Variants in PAN3 observed in about 807,000 individuals in gnomAD.
PAN3 encodes poly(A) specific ribonuclease subunit PAN3.
Under a neutral mutation model 96.2 loss-of-function variants are expected in PAN3, and 19 were observed. The ratio of observed to expected loss-of-function variants is 0.20; its 90% CI spans 0.14 to 0.29. The LOEUF (loss-of-function observed/expected upper bound fraction) is 0.29. Ranked by LOEUF, PAN3 falls within the 10% of genes least tolerant of loss-of-function variation. The pLI is 1.00. For missense variants in PAN3, 882 were observed against 1,108.1 expected (o/e 0.80, Z 2.90); for synonymous variants, 433 against 406.6 (o/e 1.06, Z -0.78).
At chr13:28,157,762 A>T (rs1566144136) in intron 1 of PAN3, among the ~76,000 whole-genome samples, 1 of 152,242 alleles carries the variant, frequency 6.6e-6, no homozygotes, top group Non-Finnish European at 1.5e-5. Context: ...CAATATTGTT[A>T]AAATGGCCAT....
intron 5 of PAN3, chr13:28,214,895 C>T: frequency 2.1e-6 from 2 of 957,586 alleles, no homozygotes; most frequent in Non-Finnish European, 3.3e-6. Context: ...AAGCTAGTAG[C>T]TCCAAGAATG....
intron 1 of PAN3, among the ~76,000 whole-genome samples, chr13:28,165,135 T>C (rs529975106): frequency 6.6e-6 from 1 of 152,302 alleles, no homozygotes; most frequent in Non-Finnish European, 1.5e-5. Flanking sequence ...CTCGAACTCC[T>C]GACCTTGTGA....
At chr13:28,223,028 G>C (rs1342539219) in intron 6 of PAN3, among the ~76,000 whole-genome samples, 2 of 152,144 alleles carry the variant, frequency 1.3e-5, no homozygotes. Flanking sequence ...TTTGAGCAAA[G>C]TTGAGTGGAT....
intron 1 of PAN3, among the ~76,000 whole-genome samples, chr13:28,170,270 GA>G: frequency 6.6e-6 from 1 of 152,168 alleles, no homozygotes; most frequent in African/African-American, 2.4e-5. Flanking sequence ...TGTTTATTGG[GA>G]CAAATTCTAT....
At chr13:28,256,591 CT>C (rs753794162) in intron 7 of PAN3, 52 bp downstream of exon 7, 1 of 1,541,390 alleles carries the variant, frequency 6.5e-7, no homozygotes, top group South Asian at 1.3e-5. Context: ...ACAGGACCTT[CT>C]TAGTTGTGAG....
intron 6 of PAN3, among the ~76,000 whole-genome samples, 185 bp from the exon 7 acceptor site, chr13:28,256,107 C>G (rs190684854): frequency 6.6e-6 from 1 of 152,216 alleles, no homozygotes; most frequent in East Asian, 1.9e-4. Flanking sequence ...AAAAAAGAAA[C>G]TTTACATTTG....
chr13:28,268,848 G>C (rs960378584), intron 12 of PAN3, among the ~76,000 whole-genome samples: 1 of 152,054 alleles, frequency 6.6e-6, no homozygotes, highest in African/African-American at 2.4e-5. Context: ...AAAAAAGAAA[G>C]TTGTGGTTAC....
chr13:28,180,632 T>G (rs1483169991), intron 4 of PAN3, among the ~76,000 whole-genome samples: 2 of 152,194 alleles, frequency 1.3e-5, no homozygotes, highest in Non-Finnish European at 2.9e-5. Context: ...GTATTTTGTT[T>G]TACAGTGATA....
At chr13:28,217,944 A>G (rs1266491220) in intron 5 of PAN3, among the ~76,000 whole-genome samples, 1 of 151,940 alleles carries the variant, frequency 6.6e-6, no homozygotes, top group Non-Finnish European at 1.5e-5. Context: ...TCCTAGATAA[A>G]ACCTTTGCCT....
intron 9 of PAN3, 134 bp downstream of exon 9, chr13:28,261,592 G>A: frequency 1.6e-6 from 1 of 622,164 alleles, no homozygotes; most frequent in Non-Finnish European, 2.6e-6. Flanking sequence ...CAGCAGTTTG[G>A]GAGGCTGAGG....
intron 5 of PAN3, chr13:28,214,870 G>A: frequency 1.3e-6 from 1 of 772,718 alleles, no homozygotes; most frequent in South Asian, 1.4e-5. Context: ...ATTGCTGCTG[G>A]TGTTGGTGAA....
At chr13:28,180,392 T>A (rs569542230) in intron 4 of PAN3, among the ~76,000 whole-genome samples, 80 of 152,212 alleles carry the variant, frequency 5.3e-4, no homozygotes, top group Non-Finnish European at 9.1e-4. Context: ...TGGGTACAGG[T>A]TGCATATATT....
At chr13:28,138,366 G>A (rs1294020541), upstream of PAN3, 5 of 185,074 alleles carry the variant, frequency 2.7e-5, no homozygotes, top group African/African-American at 9.4e-5. Context: ...CGAAGTCCCC[G>A]TCTGGGCCCG....
intron 17 of PAN3, among the ~76,000 whole-genome samples, chr13:28,283,110 G>A (rs905825702): frequency 6.6e-6 from 1 of 151,788 alleles, no homozygotes; most frequent in South Asian, 2.1e-4. Context: ...GTGCAATGGC[G>A]CATTCTTGGC....
In PAN3 at chr13:28,250,334, T is replaced by C. The variant is rs569003982; in HGVS notation, c.1001-5958T>C. Among the ~76,000 whole-genome samples, 5 of 152,232 alleles carry C rather than the reference T, an allele frequency of 3.3e-5. No homozygotes were observed. In the South Asian group the frequency reaches 1.0e-3, roughly 32 times the overall value. On this transcript the variant is annotated intron_variant, in intron 6 of 18. Coordinates refer to ENST00000380958, the MANE Select transcript of PAN3 (RefSeq NM_175854.8). ...CCTCAGCCTCTTGAGTAGCTGGGAC[T>C]ACAGGTGCATACCATGTCTGGTTTA...
intron 5 of PAN3, among the ~76,000 whole-genome samples, chr13:28,201,536 A>G (rs1222270578): frequency 6.6e-6 from 1 of 150,904 alleles, no homozygotes. Flanking sequence ...ACAGAGCAAG[A>G]CTCCATCTCA....
At chr13:28,168,252 C>A (rs1011083211) in intron 1 of PAN3, among the ~76,000 whole-genome samples, 2 of 152,156 alleles carry the variant, frequency 1.3e-5, no homozygotes, top group Non-Finnish European at 2.9e-5. Flanking sequence ...TGCATTATAC[C>A]TACTCGCTGA....
At chr13:28,258,897 A>T (rs1885440353) in intron 7 of PAN3, among the ~76,000 whole-genome samples, 1 of 152,210 alleles carries the variant, frequency 6.6e-6, no homozygotes, top group Non-Finnish European at 1.5e-5. Flanking sequence ...ATGCAGTATA[A>T]GTGCTTTGTG....
chr13:28,224,048 T>G (rs994866553), intron 6 of PAN3, among the ~76,000 whole-genome samples: 14 of 151,814 alleles, frequency 9.2e-5, no homozygotes, highest in African/African-American at 3.4e-4. Flanking sequence ...TTTTTTTGTA[T>G]TTTTAGTAGA....
Sources: allele counts gnomAD v4.1 joint callset (sites outside exome capture counted in the v4.1 genomes callset), GRCh38; gene constraint gnomAD v4.1.1; transcripts MANE v1.5; gene names NCBI Gene and HGNC (gene_info 2026-07-23, HGNC 2026-07-21).